Variants in BDNF observed in about 807,000 individuals in gnomAD.
The protein encoded by BDNF is brain derived neurotrophic factor.
BDNF carries 1 observed loss-of-function variant against 19.5 expected under a neutral mutation model. The ratio of observed to expected loss-of-function variants is 0.05; its 90% CI spans 0.02 to 0.24. The LOEUF (loss-of-function observed/expected upper bound fraction) is 0.24. BDNF is among the 10% of genes least tolerant of loss of function. The pLI is 1.00. For missense variants in BDNF, 195 were observed against 317.6 expected (o/e 0.61, Z 2.93); for synonymous variants, 100 against 121.6 (o/e 0.82, Z 1.17).
At chr11:27,667,573 A>G (rs1854576618) in intron 1 of BDNF, among the ~76,000 whole-genome samples, 1 of 152,206 alleles carries the variant, frequency 6.6e-6, no homozygotes. Flanking sequence ...ATGGAGGAAG[A>G]TCTACCAAGG....
chr11:27,672,617 T>C (rs1482429959), intron 1 of BDNF, among the ~76,000 whole-genome samples: 1 of 152,022 alleles, frequency 6.6e-6, no homozygotes, highest in African/African-American at 2.4e-5. Context: ...ACAACAACAA[T>C]GAAATATTAA....
chr11:27,716,706 T>C (rs1359559524), intron 1 of BDNF, among the ~76,000 whole-genome samples: 2 of 152,188 alleles, frequency 1.3e-5, no homozygotes, highest in African/African-American at 4.8e-5. Context: ...TCATATTCAT[T>C]AGAGTTATTT....
intron 1 of BDNF, among the ~76,000 whole-genome samples, chr11:27,670,012 TACAAGGCTACAGTA>T (rs1344039188): frequency 2.0e-5 from 3 of 152,072 alleles, no homozygotes; most frequent in Non-Finnish European, 4.4e-5. Context: ...CAAACTATAT[TACAAGGCTACAGTA>T]ACCAAAACAG....
At chr11:27,703,294 A>T (rs905166000), upstream of BDNF, among the ~76,000 whole-genome samples, 6 of 151,994 alleles carry the variant, frequency 3.9e-5, no homozygotes, top group African/African-American at 7.3e-5. Context: ...TTATACATTT[A>T]AAAAAAATAC....
intron 1 of BDNF, among the ~76,000 whole-genome samples, chr11:27,672,582 G>A (rs984450502): frequency 6.6e-5 from 10 of 152,112 alleles, no homozygotes; most frequent in South Asian, 6.2e-4. Flanking sequence ...AACGAAACTC[G>A]CAAAATAATA....
chr11:27,719,634 A>AG (rs1282770588), intron 1 of BDNF: 2 of 984,412 alleles, frequency 2.0e-6, no homozygotes, highest in Non-Finnish European at 2.4e-6. Flanking sequence ...GGAGGACAGA[A>AG]GGGAAAAAAA....
intron 1 of BDNF, among the ~76,000 whole-genome samples, chr11:27,681,467 C>CA (rs1856821110): frequency 6.6e-6 from 1 of 152,084 alleles, no homozygotes; most frequent in African/African-American, 2.4e-5. Flanking sequence ...TTATGAGGTA[C>CA]AGACCACCTA....
Position 27,657,291 on chromosome 11 carries a change from C to CATCCCCT in BDNF, c.*523_*529dup. On this transcript the variant is annotated 3_prime_UTR_variant, in exon 2 of 2. Coordinates refer to ENST00000356660, the MANE Select transcript of BDNF (RefSeq NM_001709.5). The surrounding 1 kb of genome is among the most constrained non-coding windows in gnomAD (Gnocchi z 5.0). The stretch of plus-strand genomic sequence containing the variant: ...AAACAAAAATATACCCCCCATCCCC[C>CATCCCCT]ATCCCCTAAGCCAGTAAAGCAATGA... 1 of 987,716 alleles carries CATCCCCT rather than the reference C, an allele frequency of 1.0e-6. No homozygotes were observed. The highest frequency in any genetic ancestry group is 1.2e-6 in the Non-Finnish European group (1 of 831,282). 61.2% of individuals were successfully genotyped at this position (987,716 alleles called of 1,614,324 possible). A position where few individuals can be genotyped will look rare whatever the true frequency, so the allele number is the denominator to read the frequency against.
At chr11:27,699,971 C>T (rs544655663) in intron 1 of BDNF, among the ~76,000 whole-genome samples, 193 bp downstream of exon 1, 3 of 152,266 alleles carry the variant, frequency 2.0e-5, no homozygotes, top group South Asian at 4.1e-4. Context: ...CTGGTGGTGC[C>T]GGCTGACCTT....
chr11:27,657,294 C>G lies in BDNF; in HGVS notation c.*527G>C, dbSNP rs894047669. Reference sequence around the variant, plus strand: ...CAAAAATATACCCCCCATCCCCCATCCCCTAAGCCAGTAAAGCAATGACAA... The same window carrying G: ...CAAAAATATACCCCCCATCCCCCATGCCCTAAGCCAGTAAAGCAATGACAA... On this transcript the variant is annotated 3_prime_UTR_variant, in exon 2 of 2. Coordinates refer to ENST00000356660, the MANE Select transcript of BDNF (RefSeq NM_001709.5). This position sits in a 1 kb window ranked among gnomAD's most constrained non-coding sequence, Gnocchi z 5.0. The G allele has an allele frequency of 2.0e-6, 2 of 987,750 alleles. No individual in the cohort carries two copies. The highest frequency in any genetic ancestry group is 2.4e-6 in the Non-Finnish European group (2 of 831,410). The allele number at this position is 987,750 out of a possible 1,614,324, so 61.2% of individuals were successfully genotyped here. A position where few individuals can be genotyped will look rare whatever the true frequency, so the allele number is the denominator to read the frequency against.
chr11:27,700,693 C>A (rs1389513357), upstream of BDNF: 3 of 1,159,436 alleles, frequency 2.6e-6, no homozygotes, highest in Non-Finnish European at 3.2e-6. Context: ...CCTAGGGCCC[C>A]GCGACATCGC....
In BDNF at chr11:27,657,676, A is replaced by G; in HGVS notation, c.*145T>C. Reference sequence around the variant, plus strand: ...TGGACATGTCCAATAAATAGATTGTAGAACCACTGTACTGTATAAACTTCA... The same window carrying G: ...TGGACATGTCCAATAAATAGATTGTGGAACCACTGTACTGTATAAACTTCA... On this transcript the variant is annotated 3_prime_UTR_variant, in exon 2 of 2. Transcript: ENST00000356660. This position sits in a 1 kb window ranked among gnomAD's most constrained non-coding sequence, Gnocchi z 5.0. 2 of 1,451,680 alleles carry G rather than the reference A, an allele frequency of 1.4e-6. No homozygotes were observed. The highest frequency in any genetic ancestry group is 1.8e-6 in the Non-Finnish European group (2 of 1,110,904). 89.9% of individuals were successfully genotyped at this position (1,451,680 alleles called of 1,614,324 possible).
At chr11:27,662,145 C>T (rs1422119299) in intron 1 of BDNF, among the ~76,000 whole-genome samples, 3 of 152,122 alleles carry the variant, frequency 2.0e-5, no homozygotes, top group African/African-American at 4.8e-5. Flanking sequence ...GGATTACAGG[C>T]GCCCACCACC....
At chr11:27,684,859 TA>T (rs1233117750) in intron 1 of BDNF, among the ~76,000 whole-genome samples, 1 of 152,150 alleles carries the variant, frequency 6.6e-6, no homozygotes, top group Non-Finnish European at 1.5e-5. Context: ...CCTACAATTT[TA>T]TTTTTTTGCT....
At chr11:27,665,036 C>T (rs1854080033) in intron 1 of BDNF, among the ~76,000 whole-genome samples, 2 of 152,140 alleles carry the variant, frequency 1.3e-5, no homozygotes, top group Admixed American at 6.5e-5. Flanking sequence ...TTTTTGTTTA[C>T]AGGACCCAAA....
At position 27,717,028 on chromosome 11, in the gene BDNF, G is replaced by A. The variant is rs568288025; in HGVS notation, c.3+4384C>T. ...CTCGCTCACTGCCTGATTTTGGAAT[G>A]TTGTTTCTTACTAAAGCTTCCCCTA... On this transcript the variant is annotated intron_variant, in intron 1 of 1. Coordinates refer to the BDNF transcript ENST00000314915. 2.0e-5 allele frequency among the ~76,000 whole-genome samples: 3 copies of A among 152,280 alleles called. No homozygotes were observed. The East Asian group carries it at 5.8e-4, about 29-fold the overall frequency.
intron 1 of BDNF, chr11:27,674,588 T>C: frequency 1.0e-6 from 1 of 985,196 alleles, no homozygotes; most frequent in Non-Finnish European, 1.2e-6. Flanking sequence ...ACATCTTAGA[T>C]GACAAAAGAT....
rs61227267 is a variant in BDNF at position 27,716,456 on chromosome 11, G to GACACACACACAC, written c.3+4944_3+4955dup. ...ACACGCCCATACACACACACACACA[G>GACACACACACAC]ACACACACACACACACACACACACA... On this transcript the variant is annotated intron_variant, in intron 1 of 1. Transcript: ENST00000314915. 5.0e-3 allele frequency among the ~76,000 whole-genome samples: 738 copies of GACACACACACAC among 146,918 alleles called. 10 individuals are homozygous for GACACACACACAC. The highest frequency in any genetic ancestry group is 0.021 in the East Asian group (104 of 4,936).
chr11:27,662,584 G>A (rs934064606), intron 1 of BDNF, among the ~76,000 whole-genome samples: 8 of 152,154 alleles, frequency 5.3e-5, no homozygotes, highest in Admixed American at 4.6e-4. Context: ...TAGCAGGGTG[G>A]ATGGTTTTGG....
Sources: gnomAD v4.1 joint callset for allele counts (sites outside exome capture counted in the v4.1 genomes callset) on GRCh38, gnomAD v4.1.1 for gene constraint, Gnocchi (gnomAD v3.1) non-coding constraint, MANE v1.5 for transcripts, NCBI Gene and HGNC (gene_info 2026-07-23, HGNC 2026-07-21) for gene names.